The following C1orf146 variants were observed in gnomAD, a reference collection of about 807,000 sequenced individuals.
C1orf146 encodes chromosome 1 open reading frame 146.
In C1orf146, 22 loss-of-function variants were observed where a neutral mutation model predicts 23.0. The ratio of observed to expected loss-of-function variants is 0.96; its 90% confidence interval spans 0.68 to 1.36. The LOEUF (loss-of-function observed/expected upper bound fraction) is 1.36. Ranked by LOEUF, C1orf146 falls within the 40% of genes most tolerant of loss-of-function variation. The pLI, the probability that C1orf146 is intolerant of heterozygous loss-of-function variation, is 0.00. For missense variants in C1orf146, 199 were observed against 206.8 expected, an observed-to-expected ratio of 0.96 and a Z score of 0.23; for synonymous variants, 59 against 65.3, an observed-to-expected ratio of 0.90 and a Z score of 0.47.
Position 92,245,629 on chromosome 1 carries a change from A to G in C1orf146, c.498A>G (p.Thr166=), listed in dbSNP as rs1224262617. ...TTGAGCAAAGTCCTGTTTGGAAAAC[A>G]CTTCAGAAGATAAAACTGAATAGTG... ...YIIEQSPVWK[T]LQKIKLNSDS... is the part of the protein sequence containing the mutation. The change falls in exon 6 of 6, where the codon ACA becomes ACG. Residue 166 remains threonine, a synonymous_variant. Transcript: ENST00000370375. The G allele has an allele frequency of 6.3e-7, 1 of 1,598,862 alleles. No homozygotes were observed. The highest frequency in any genetic ancestry group is 1.8e-5 in the Admixed American group (1 of 55,748).
At chr1:92,234,698 C>T (rs1317008011) in intron 2 of C1orf146, among the ~76,000 whole-genome samples, 1 of 152,212 alleles carries the variant, frequency 6.6e-6, no homozygotes, top group Non-Finnish European at 1.5e-5. Flanking sequence ...ACCATCTCCT[C>T]CTTTTACCTC....
intron 2 of C1orf146, among the ~76,000 whole-genome samples, chr1:92,234,890 T>A (rs1367306881): frequency 2.0e-5 from 3 of 152,378 alleles, no homozygotes; most frequent in African/African-American, 7.2e-5. Flanking sequence ...TTTTCTAGTT[T>A]ATTTGCATAG....
At chr1:92,228,859 G>T (rs1652033287) in intron 1 of C1orf146, among the ~76,000 whole-genome samples, 1 of 152,222 alleles carries the variant, frequency 6.6e-6, no homozygotes, top group Non-Finnish European at 1.5e-5. Flanking sequence ...ATGATCCAGT[G>T]CTGATATCAG....
At chr1:92,238,943 T>A (rs1652363887) in intron 2 of C1orf146, among the ~76,000 whole-genome samples, 2 of 152,190 alleles carry the variant, frequency 1.3e-5, no homozygotes, top group Admixed American at 1.3e-4. Context: ...GTTTATTTTT[T>A]AATTAGGGTC....
rs557120601 is a variant in C1orf146, at chr1:92,219,193, A to AG, written c.-40+1152dup. On this transcript the variant is annotated intron_variant, in intron 1 of 5. Transcript: ENST00000370375. Reference sequence around the variant, plus strand: ...TGTGGGTGTATTAGTAAGTATGTGTAGGGGGGGTTATAGAAGTTGAAGCCC... The same window carrying AG: ...TGTGGGTGTATTAGTAAGTATGTGTAGGGGGGGGTTATAGAAGTTGAAGCCC... Among the ~76,000 whole-genome samples the AG allele has an allele frequency of 1.9e-3, 294 of 152,252 alleles. 1 individual carries two copies. The highest frequency in any genetic ancestry group is 3.8e-3 in the African/African-American group (158 of 41,540).
chr1:92,220,130 C>T (rs565973242), intron 1 of C1orf146, among the ~76,000 whole-genome samples: 3 of 152,218 alleles, frequency 2.0e-5, no homozygotes, highest in African/African-American at 7.2e-5. Context: ...CTACTCTGGA[C>T]TCATCTTGTA....
At chr1:92,226,788 C>CCT (rs1304943622) in intron 1 of C1orf146, among the ~76,000 whole-genome samples, 1 of 152,084 alleles carries the variant, frequency 6.6e-6, no homozygotes, top group Non-Finnish European at 1.5e-5. Flanking sequence ...TTTAGTATGC[C>CCT]ATGTCACTAT....
chr1:92,244,716 A>G, intron 4 of C1orf146, 63 bp from the exon 5 acceptor site: 1 of 1,044,568 alleles, frequency 9.6e-7, no homozygotes, highest in Non-Finnish European at 1.5e-6. Context: ...TCTTCTTTCC[A>G]CTTTCTTAAG....
intron 1 of C1orf146, chr1:92,229,167 A>G (rs1258120009): frequency 1.5e-5 from 8 of 528,446 alleles, no homozygotes; most frequent in South Asian, 1.2e-4. Flanking sequence ...CTTGATCTTC[A>G]TGGTGCTAGG....
At position 92,245,701 on chromosome 1, in the gene C1orf146, GAAT is replaced by G; in HGVS notation, c.*28_*30del. ...GTACCAACTTAATGTTTTTCTCGAA[GAAT>G]GTGAAAATAATTAGACCTGTTAAAT... On this transcript the variant is annotated 3_prime_UTR_variant, in exon 6 of 6. Transcript: ENST00000370375. 6.9e-7 allele frequency: 1 copy of G among 1,451,790 alleles called. No homozygotes were observed. The highest frequency in any genetic ancestry group is 1.5e-5 in the African/African-American group (1 of 68,764). 89.9% of individuals were successfully genotyped at this position (1,451,790 alleles called of 1,614,324 possible).
chr1:92,245,510 A>T (rs3131827), intron 5 of C1orf146, 30 bp from the exon 6 acceptor site: 719,410 of 1,532,328 alleles, frequency 0.47, 179,304 homozygotes, highest in East Asian at 0.96. Flanking sequence ...ATTTCTGTAA[A>T]TAATGCTGCA....
At chr1:92,222,946 G>A (rs1651872739) in intron 1 of C1orf146, among the ~76,000 whole-genome samples, 1 of 152,062 alleles carries the variant, frequency 6.6e-6, no homozygotes, top group Admixed American at 6.5e-5. Flanking sequence ...TTTGGGGGCG[G>A]GGGTTGGCAT....
chr1:92,235,759 G>C (rs899758528), intron 2 of C1orf146, among the ~76,000 whole-genome samples: 1 of 152,156 alleles, frequency 6.6e-6, no homozygotes, highest in Non-Finnish European at 1.5e-5. Context: ...CTCTTTGTAG[G>C]TCACTCAGGA....
intron 3 of C1orf146, among the ~76,000 whole-genome samples, chr1:92,243,349 C>T (rs1029216680): frequency 1.3e-4 from 20 of 151,826 alleles, no homozygotes; most frequent in Non-Finnish European, 2.2e-4. Flanking sequence ...TTATATAATT[C>T]TTTTTTTTAT....
At chr1:92,240,636 A>T (rs1452057296) in intron 2 of C1orf146, 1 of 156,766 alleles carries the variant, frequency 6.4e-6, no homozygotes, top group African/African-American at 2.4e-5. Context: ...TACCTAAGAG[A>T]TTTTTATCTA....
intron 1 of C1orf146, among the ~76,000 whole-genome samples, chr1:92,224,251 T>C (rs1476303907): frequency 6.6e-6 from 1 of 151,498 alleles, no homozygotes; most frequent in African/African-American, 2.4e-5. Flanking sequence ...AGGTTGTCAC[T>C]GTTAGCCAGG....
intron 1 of C1orf146, among the ~76,000 whole-genome samples, chr1:92,223,047 A>G (rs1467176058): frequency 3.3e-5 from 5 of 152,076 alleles, no homozygotes; most frequent in African/African-American, 1.2e-4. Context: ...TTGTATGAAT[A>G]TATTACAATG....
At chr1:92,237,595 C>A (rs1457695328) in intron 2 of C1orf146, among the ~76,000 whole-genome samples, 1 of 152,170 alleles carries the variant, frequency 6.6e-6, no homozygotes, top group Non-Finnish European at 1.5e-5. Flanking sequence ...CTCAGATCTC[C>A]AGCTGCGTGC....
intron 1 of C1orf146, among the ~76,000 whole-genome samples, chr1:92,225,564 G>A (rs556128750): frequency 6.6e-6 from 1 of 152,170 alleles, no homozygotes; most frequent in South Asian, 2.1e-4. Flanking sequence ...AGAAGTGTGT[G>A]TTTGATTTCC....
Sources: gnomAD v4.1 joint callset for allele counts (sites outside exome capture counted in the v4.1 genomes callset) on GRCh38, gnomAD v4.1.1 for gene constraint, MANE v1.5 for transcripts, NCBI Gene and HGNC (gene_info 2026-07-23, HGNC 2026-07-21) for gene names.